DOC2B: variants seen among roughly 807,000 people sequenced by gnomAD.
DOC2B encodes the protein double C2 domain beta.
A neutral mutation model predicts 28.9 loss-of-function variants in DOC2B; 21 were observed. That is an observed-to-expected ratio of 0.73 (90% confidence interval 0.52 to 1.05). The LOEUF is 1.05. DOC2B is among the 50% of genes least tolerant of loss of function. The pLI is 0.00. For synonymous variants in DOC2B, 194 were observed against 178.1 expected, an observed-to-expected ratio of 1.09 and a Z score of -0.71; for missense variants, 384 against 421.1, an observed-to-expected ratio of 0.91 and a Z score of 0.77.
At chr17:158,497 A>T (rs1352016994) in intron 5 of DOC2B, among the ~76,000 whole-genome samples, 3 of 152,178 alleles carry the variant, frequency 2.0e-5, no homozygotes, top group Non-Finnish European at 2.9e-5. Flanking sequence ...CAGGGAAGAC[A>T]TACATGCCCC....
intron 1 of DOC2B, among the ~76,000 whole-genome samples, chr17:179,002 G>C (rs947561762): frequency 6.6e-6 from 1 of 152,208 alleles, no homozygotes; most frequent in Non-Finnish European, 1.5e-5. Context: ...TGGGCTTCTG[G>C]GCCTAGGATG....
rs1207152470 is a variant in DOC2B at position 147,573 on chromosome 17, A to C, written c.1107T>G (p.Gly369=). 4 of 398,874 alleles carry C rather than the reference A, an allele frequency of 1.0e-5. No individual in the cohort carries two copies. The highest frequency in any genetic ancestry group is 1.8e-5 in the Non-Finnish European group (4 of 226,244). The allele number at this position is 398,874 out of a possible 1,614,324, so 24.7% of individuals were successfully genotyped here. Reference sequence around the variant, plus strand: ...CCTTGGCGTGGATGCCCAGAACCACACCACCTGCAGGAGGACAGGAGGGGC... The same window carrying C: ...CCTTGGCGTGGATGCCCAGAACCACCCCACCTGCAGGAGGACAGGAGGGGC... The part of the protein sequence containing the change: ...DIGKSNDFIG[G]VVLGIHAKGE... The change falls in exon 9 of 9, where the codon GGT becomes GGG. Residue 369 remains glycine (G), a synonymous_variant. Transcript: ENST00000613549.
At chr17:154,259 C>A (rs2040106740) in intron 6 of DOC2B, among the ~76,000 whole-genome samples, 1 of 149,384 alleles carries the variant, frequency 6.7e-6, no homozygotes, top group African/African-American at 2.5e-5. Flanking sequence ...ATTCCACGCA[C>A]CCGCTACACT....
At position 144,997 on chromosome 17, in the gene DOC2B, A is replaced by C. The variant is rs2040009064; in HGVS notation, c.*2444T>G. On this transcript the variant is annotated 3_prime_UTR_variant, in exon 9 of 9. Transcript: ENST00000613549. ...CTAAGAAGATACCCAGAGCTTAACTAGACACCAGGCCTTTTAGAAATAGAC... is the reference window on the plus strand; with the variant it reads ...CTAAGAAGATACCCAGAGCTTAACTCGACACCAGGCCTTTTAGAAATAGAC... The C allele has an allele frequency of 6.6e-6, 1 of 152,216 alleles. No homozygotes were observed. Among genetic ancestry groups the C allele is most frequent in the South Asian group, 2.1e-4 (1 of 4,836 alleles). 9.4% of individuals were successfully genotyped at this position (152,216 alleles called of 1,614,324 possible). A position where few individuals can be genotyped will look rare whatever the true frequency, so the allele number is the denominator to read the frequency against.
At chr17:174,721 T>G (rs1416831893) in intron 1 of DOC2B, among the ~76,000 whole-genome samples, 1 of 152,188 alleles carries the variant, frequency 6.6e-6, no homozygotes, top group African/African-American at 2.4e-5. Context: ...TCCTATTAGA[T>G]TACTTGTCTG....
intron 2 of DOC2B, among the ~76,000 whole-genome samples, 165 bp from the exon 3 acceptor site, chr17:164,369 T>G (rs2040238753): frequency 6.6e-6 from 1 of 151,986 alleles, no homozygotes. Flanking sequence ...TGAGGATGGC[T>G]CAACGCTGAT....
intron 6 of DOC2B, among the ~76,000 whole-genome samples, chr17:153,212 A>ACCCACAGCAGCC (rs1555521979): frequency 6.6e-6 from 1 of 152,166 alleles, no homozygotes; most frequent in East Asian, 1.9e-4. Context: ...GTCCAGCAGC[A>ACCCACAGCAGCC]CCCACAGCAG....
chr17:179,764 C>T (rs1168693199), intron 1 of DOC2B, among the ~76,000 whole-genome samples: 1 of 112,786 alleles, frequency 8.9e-6, no homozygotes, highest in East Asian at 3.4e-4. Flanking sequence ...GACAAGACTG[C>T]TCCCCAGCCC....
rs1224008082 is a variant in DOC2B, at chr17:181,625, C to T, written c.-146G>A. 4.6e-6 allele frequency: 1 copy of T among 216,292 alleles called. No individual in the cohort carries two copies. Among genetic ancestry groups the T allele is most frequent in the East Asian group, 1.9e-4 (1 of 5,334 alleles). 13.4% of individuals were successfully genotyped at this position (216,292 alleles called of 1,614,324 possible). A position where few individuals can be genotyped will look rare whatever the true frequency, so the allele number is the denominator to read the frequency against. On this transcript the variant is annotated 5_prime_UTR_variant, in exon 1 of 9. Transcript: ENST00000613549. This position sits in a 1 kb window ranked among gnomAD's most constrained non-coding sequence, Gnocchi z 7.0. ...ACGGCCCTGACTTGGCCGCTGCCCG[C>T]TCCGCTGCGGACGGCGCGAGCGAGT...
chr17:179,063 G>A (rs1419148104), intron 1 of DOC2B, among the ~76,000 whole-genome samples: 1 of 152,216 alleles, frequency 6.6e-6, no homozygotes, highest in Non-Finnish European at 1.5e-5. Flanking sequence ...CCCCTCGAAG[G>A]GGGCGACAGG....
At chr17:148,793 C>T (rs1447981075) in intron 7 of DOC2B, among the ~76,000 whole-genome samples, 1 of 152,118 alleles carries the variant, frequency 6.6e-6, no homozygotes, top group Non-Finnish European at 1.5e-5. Context: ...CTTCCTGGGG[C>T]CCCAGGGTGT....
At chr17:178,246 G>T (rs1361256860) in intron 1 of DOC2B, among the ~76,000 whole-genome samples, 1 of 152,204 alleles carries the variant, frequency 6.6e-6, no homozygotes, top group African/African-American at 2.4e-5. Flanking sequence ...CCTTGATTTT[G>T]CTCTACAAGG....
At chr17:151,452 G>A (rs1167592730) in intron 6 of DOC2B, among the ~76,000 whole-genome samples, 1 of 152,024 alleles carries the variant, frequency 6.6e-6, no homozygotes. Flanking sequence ...AATCCCAAAC[G>A]CGCCAATAAG....
intron 5 of DOC2B, among the ~76,000 whole-genome samples, chr17:156,815 G>A (rs1397567856): frequency 6.6e-6 from 1 of 152,222 alleles, no homozygotes; most frequent in African/African-American, 2.4e-5. Context: ...CTGGGCTCAA[G>A]GGATCTTCCC....
rs2040011617 is a variant in DOC2B, at chr17:145,387, A to T, written c.*2054T>A. The T allele has an allele frequency of 6.6e-6, 1 of 152,272 alleles. No individual in the cohort carries two copies. Among genetic ancestry groups the T allele is most frequent in the South Asian group, 2.1e-4 (1 of 4,828 alleles). The allele number at this position is 152,272 out of a possible 1,614,324, so 9.4% of individuals were successfully genotyped here. On this transcript the variant is annotated 3_prime_UTR_variant, in exon 9 of 9. Coordinates refer to ENST00000613549, the MANE Select transcript of DOC2B (RefSeq NM_003585.5). ...CCCTTCCTGGCTGTGTGGCCTTGGC[A>T]AACTACTCAGACTCTGGGAACCTGT...
chr17:165,002 A>G (rs533631637), intron 2 of DOC2B, among the ~76,000 whole-genome samples: 2 of 152,216 alleles, frequency 1.3e-5, no homozygotes, highest in South Asian at 4.1e-4. Context: ...CCCATCTCCA[A>G]GGGGAGGCTG....
In DOC2B at chr17:147,119, C is replaced by T; in HGVS notation, c.*322G>A. ...CGCCCCCACACTCCTGTCCTCTCAGCCGGGGCTGGCCTCTAGAAGGGTCTT... is the reference window on the plus strand; with the variant it reads ...CGCCCCCACACTCCTGTCCTCTCAGTCGGGGCTGGCCTCTAGAAGGGTCTT... On this transcript the variant is annotated 3_prime_UTR_variant, in exon 9 of 9. Transcript: ENST00000613549. 1 of 256,254 alleles carries T rather than the reference C, an allele frequency of 3.9e-6. No homozygotes were observed. Among genetic ancestry groups the T allele is most frequent in the Non-Finnish European group, 7.4e-6 (1 of 135,906 alleles). 15.9% of individuals were successfully genotyped at this position (256,254 alleles called of 1,614,324 possible).
intron 5 of DOC2B, among the ~76,000 whole-genome samples, chr17:159,978 CTTTT>C (rs112120859): frequency 2.2e-5 from 3 of 135,276 alleles, no homozygotes; most frequent in East Asian, 2.1e-4. Context: ...GCTGGTGTTG[CTTTT>C]TTTTTTTTTT....
Position 181,433 on chromosome 17 carries a change from T to G in DOC2B, c.47A>C (p.Glu16Ala). ...GGGGCACACGTCGATGGCCATATGC[T>G]CCTGGATGCTGATGGTCGCCTTCTC... The part of the protein sequence containing the change: ...RGEKATISIQ[E>A]HMAIDVCPGP... The change falls in exon 1 of 9, where the codon GAG becomes GCG. Residue 16 changes from glutamate to alanine, a missense_variant. Transcript: ENST00000613549. This position sits in a 1 kb window ranked among gnomAD's most constrained non-coding sequence, Gnocchi z 7.0. The G allele has an allele frequency of 8.5e-7, 1 of 1,170,088 alleles. No homozygotes were observed. The highest frequency in any genetic ancestry group is 1.1e-6 in the Non-Finnish European group (1 of 934,516). 72.5% of individuals were successfully genotyped at this position (1,170,088 alleles called of 1,614,324 possible).
Sources: allele counts gnomAD v4.1 joint callset (sites outside exome capture counted in the v4.1 genomes callset), GRCh38; gene constraint gnomAD v4.1.1; non-coding constraint Gnocchi (gnomAD v3.1); transcripts MANE v1.5; gene names NCBI Gene and HGNC (gene_info 2026-07-23, HGNC 2026-07-21).